RHOJ: variants seen among roughly 807,000 people sequenced by gnomAD.
RHOJ encodes ras homolog family member J.
Under a neutral mutation model 23.4 loss-of-function variants are expected in RHOJ, and 11 were observed. The observed-to-expected ratio is 0.47, with a 90% CI of 0.30 to 0.78. RHOJ has a LOEUF of 0.78. Among genes scored for constraint, RHOJ ranks in the 30% least tolerant of loss-of-function variants. The pLI is 0.08. For missense variants in RHOJ, 254 were observed against 273.4 expected, an observed-to-expected ratio of 0.93 and a Z score of 0.50; for synonymous variants, 102 against 102.7, an observed-to-expected ratio of 0.99 and a Z score of 0.04.
At chr14:63,207,904 A>G (rs1048735960) in intron 1 of RHOJ, among the ~76,000 whole-genome samples, 30 of 152,240 alleles carry the variant, frequency 2.0e-4, no homozygotes, top group African/African-American at 7.2e-4. Context: ...GGTACATGGT[A>G]GCTATTAAGA....
intron 1 of RHOJ, among the ~76,000 whole-genome samples, chr14:63,213,103 C>T (rs778420754): frequency 9.2e-5 from 14 of 152,156 alleles, no homozygotes; most frequent in Admixed American, 1.3e-4. Flanking sequence ...TATAAGGGTT[C>T]AAACTATTAG....
chr14:63,224,169 G>A (rs1594755089), intron 1 of RHOJ, among the ~76,000 whole-genome samples: 1 of 152,194 alleles, frequency 6.6e-6, no homozygotes, highest in East Asian at 1.9e-4. Flanking sequence ...TTTATTAAAT[G>A]TGCCAGGAGT....
chr14:63,208,162 TA>T (rs1299773556), intron 1 of RHOJ, among the ~76,000 whole-genome samples: 1 of 152,194 alleles, frequency 6.6e-6, no homozygotes, highest in Non-Finnish European at 1.5e-5. Context: ...GAGTAAAAAC[TA>T]CGCAAAATTA....
chr14:63,211,805 C>T (rs1341707245), intron 1 of RHOJ, among the ~76,000 whole-genome samples: 1 of 152,140 alleles, frequency 6.6e-6, no homozygotes, highest in African/African-American at 2.4e-5. Flanking sequence ...ATGAACAATT[C>T]CCGGCACAAA....
intron 2 of RHOJ, among the ~76,000 whole-genome samples, chr14:63,274,893 G>T (rs1881669387): frequency 6.6e-6 from 1 of 152,122 alleles, no homozygotes; most frequent in South Asian, 2.1e-4. Flanking sequence ...ATGAAAATGA[G>T]ACTTGTACCA....
At chr14:63,228,490 A>T (rs999410521) in intron 1 of RHOJ, among the ~76,000 whole-genome samples, 4 of 152,240 alleles carry the variant, frequency 2.6e-5, no homozygotes, top group African/African-American at 9.6e-5. Flanking sequence ...ACACACTCAT[A>T]AAATGGAATA....
chr14:63,263,094 C>T (rs1404425050), intron 1 of RHOJ, among the ~76,000 whole-genome samples: 1 of 152,166 alleles, frequency 6.6e-6, no homozygotes, highest in Non-Finnish European at 1.5e-5. Context: ...TTCCTTCTCA[C>T]AAGTACTTTC....
chr14:63,254,032 G>C (rs1895118601), intron 1 of RHOJ, among the ~76,000 whole-genome samples: 1 of 152,192 alleles, frequency 6.6e-6, no homozygotes, highest in Non-Finnish European at 1.5e-5. Context: ...TGATGGTAGA[G>C]CCAGCCGCTT....
intron 1 of RHOJ, among the ~76,000 whole-genome samples, chr14:63,208,365 GT>G (rs2139725022): frequency 6.6e-6 from 1 of 152,186 alleles, no homozygotes; most frequent in Admixed American, 6.5e-5. Context: ...TCACAAATTT[GT>G]TTACATCTCT....
rs572994922 is a variant in RHOJ, at chr14:63,276,213, G to C, written c.238-4758G>C. 6.1e-3 allele frequency among the ~76,000 whole-genome samples: 934 copies of C among 152,204 alleles called. 6 individuals carry two copies. Among genetic ancestry groups the C allele is most frequent in the Non-Finnish European group, 9.1e-3 (621 of 68,018 alleles). ...TCCCCCAGTGCCTCAGCTTCGGTGG[G>C]GGGGGGCGGGGGCTGCGTGGCACCT... is the stretch of plus-strand genomic sequence containing the variant. On this transcript the variant is annotated intron_variant, in intron 2 of 4. Transcript: ENST00000316754.
chr14:63,275,237 G>A (rs1430968969), intron 2 of RHOJ, among the ~76,000 whole-genome samples: 1 of 152,134 alleles, frequency 6.6e-6, no homozygotes, highest in African/African-American at 2.4e-5. Context: ...GATCACTTGA[G>A]CCCAGGAGTT....
rs75921266 is a variant in RHOJ at position 63,234,514 on chromosome 14, G to A, written c.178+29467G>A. On this transcript the variant is annotated intron_variant, in intron 1 of 4. Transcript: ENST00000316754. ...ACCTACAAATCATCCTTTCGCTTCAGTATAAAAGACCTGATATAAAAGAGA... is the reference window on the plus strand; with the variant it reads ...ACCTACAAATCATCCTTTCGCTTCAATATAAAAGACCTGATATAAAAGAGA... Among the ~76,000 whole-genome samples, 609 of 152,226 alleles carry A rather than the reference G, an allele frequency of 4.0e-3. 13 individuals carry two copies. The East Asian group carries it at 0.056, about 14-fold the overall frequency.
chr14:63,233,025 G>A (rs1325290812), intron 1 of RHOJ, among the ~76,000 whole-genome samples: 1 of 152,092 alleles, frequency 6.6e-6, no homozygotes, highest in African/African-American at 2.4e-5. Context: ...ATATTTTCAT[G>A]AGTATTCTTA....
At position 63,248,108 on chromosome 14, in the gene RHOJ, C is replaced by T. The variant is rs759208279; in HGVS notation, c.179-21002C>T. 9.9e-5 allele frequency among the ~76,000 whole-genome samples: 15 copies of T among 152,078 alleles called. No homozygotes were observed. The South Asian group carries it at 1.0e-3, about 11-fold the overall frequency. ...TCAAGATGAGATTTGGGTGGGGACA[C>T]GGCCAAACCATATTAAGTATCATAT... On this transcript the variant is annotated intron_variant, in intron 1 of 4. Transcript: ENST00000316754.
At chr14:63,217,563 G>A (rs1057420355) in intron 1 of RHOJ, among the ~76,000 whole-genome samples, 3 of 151,832 alleles carry the variant, frequency 2.0e-5, no homozygotes, top group African/African-American at 7.3e-5. Context: ...AGACTTAAAC[G>A]TTAGACCTAA....
chr14:63,228,166 T>A (rs564142343), intron 1 of RHOJ, among the ~76,000 whole-genome samples: 1 of 152,336 alleles, frequency 6.6e-6, no homozygotes, highest in Admixed American at 6.5e-5. Flanking sequence ...AGGTTTGATA[T>A]GTTTCTCATT....
At chr14:63,283,333 T>C in intron 4 of RHOJ, 117 bp downstream of exon 4, 1 of 816,694 alleles carries the variant, frequency 1.2e-6, no homozygotes, top group Non-Finnish European at 2.0e-6. Flanking sequence ...GTTTAGAATC[T>C]TCTCTAAGCT....
At chr14:63,252,187 C>T (rs550134714) in intron 1 of RHOJ, among the ~76,000 whole-genome samples, 4 of 152,168 alleles carry the variant, frequency 2.6e-5, no homozygotes, top group African/African-American at 7.2e-5. Flanking sequence ...GAATTCATTC[C>T]TTGCCTTTCC....
chr14:63,207,180 C>T (rs754846549), intron 1 of RHOJ, among the ~76,000 whole-genome samples: 13 of 151,900 alleles, frequency 8.6e-5, no homozygotes, highest in Non-Finnish European at 1.5e-4. Flanking sequence ...TACAGGCGCA[C>T]GCAACCATGC....
Sources: gnomAD v4.1 joint callset for allele counts (sites outside exome capture counted in the v4.1 genomes callset) on GRCh38, gnomAD v4.1.1 for gene constraint, MANE v1.5 for transcripts, NCBI Gene and HGNC (gene_info 2026-07-23, HGNC 2026-07-21) for gene names.